ZNF358: variants seen among roughly 807,000 people sequenced by gnomAD.
ZNF358 encodes the protein zinc finger protein 358.
A neutral mutation model predicts 2.1 loss-of-function variants in ZNF358; 1 was observed. That is an observed-to-expected ratio of 0.49 (90% CI 0.17 to 2.30). ZNF358 has a LOEUF of 2.30. ZNF358 is among the 30% of genes most tolerant of loss of function. ZNF358 has a pLI of 0.26. For synonymous variants in ZNF358, 381 were observed against 359.7 expected, an observed-to-expected ratio of 1.06 and a Z score of -0.67; for missense variants, 665 against 806.8, an observed-to-expected ratio of 0.82 and a Z score of 2.13.
intron 1 of ZNF358, among the ~76,000 whole-genome samples, chr19:7,518,553 G>GAAAGAA (rs538103893): frequency 2.9e-3 from 65 of 22,570 alleles, no homozygotes; most frequent in South Asian, 8.7e-3. Context: ...GAAAGAGAGA[G>GAAAGAA]AGAGAGAAAG....
At position 7,519,442 on chromosome 19, in the gene ZNF358, T is replaced by A. The variant is rs369873431; in HGVS notation, c.200T>A (p.Val67Asp). 6.2e-6 allele frequency: 10 copies of A among 1,613,852 alleles called. No homozygotes were observed. In the African/African-American group the frequency reaches 1.1e-4, roughly 17 times the overall value. ...CCCAGCTATGAAGATCTGGAGCCCGTCTCGGAGGATCTGGACCCCGACGCC... is the reference window on the plus strand; with the variant it reads ...CCCAGCTATGAAGATCTGGAGCCCGACTCGGAGGATCTGGACCCCGACGCC... Reference protein sequence around the residue: ...VDPSYEDLEPVSEDLDPDAEA... With the variant: ...VDPSYEDLEPDSEDLDPDAEA... Residue 67 changes from valine to aspartate, a missense_variant, in exon 2 of 2, where the codon GTC becomes GAC. Physicochemically the swap from Val to Asp is radical, Grantham distance 152. This residue lies in a region of ZNF358 where 206 missense variants were observed against 228.4 expected (regional missense o/e 0.90). Transcript: ENST00000597229.
chr19:7,518,910 C>T (rs1037793749), intron 1 of ZNF358, among the ~76,000 whole-genome samples: 1 of 151,840 alleles, frequency 6.6e-6, no homozygotes, highest in Non-Finnish European at 1.5e-5. Context: ...ACTAAAAATA[C>T]AAAAATTAGC....
Position 7,520,406 on chromosome 19 carries a change from C to A in ZNF358, c.1164C>A (p.Ser388=), listed in dbSNP as rs2022448241. 6.2e-7 allele frequency: 1 copy of A among 1,611,730 alleles called. No individual in the cohort carries two copies. The highest frequency in any genetic ancestry group is 8.5e-7 in the Non-Finnish European group (1 of 1,179,556). Residue 388 remains serine (S), a synonymous_variant, in exon 2 of 2, where the codon TCC becomes TCA. Coordinates refer to ENST00000597229, the MANE Select transcript of ZNF358 (RefSeq NM_018083.5). This position sits in a 1 kb window ranked among gnomAD's most constrained non-coding sequence, Gnocchi z 6.0. ...QLCGKAFGQA[S]SLTKHKRVHE... ...GCGGGAAGGCCTTCGGCCAGGCCTC[C>A]AGCCTCACCAAGCACAAACGGGTGC...
rs1052485811 is a variant in ZNF358 at position 7,520,796 on chromosome 19, A to T, written c.1554A>T (p.Pro518=). ...CAGACCTTGATCCTGTGCCCAGCCC[A>T]GACCCTGATCCTGTGCCCAGCCCTG... ...PSPDLDPVPS[P]DPDPVPSPDP... Residue 518 remains proline (P), a synonymous_variant, in exon 2 of 2, where the codon CCA becomes CCT. Transcript: ENST00000597229. This position sits in a 1 kb window ranked among gnomAD's most constrained non-coding sequence, Gnocchi z 6.0. 6.2e-7 allele frequency: 1 copy of T among 1,611,448 alleles called. No individual in the cohort carries two copies.
Position 7,520,835 on chromosome 19 carries a change from G to T in ZNF358, c.1593G>T (p.Val531=). 1 of 1,613,944 alleles carries T rather than the reference G, an allele frequency of 6.2e-7. No homozygotes were observed. The highest frequency in any genetic ancestry group is 8.5e-7 in the Non-Finnish European group (1 of 1,179,950). Residue 531 remains valine (V), a synonymous_variant, in exon 2 of 2, where the codon GTG becomes GTT. Transcript: ENST00000597229. This position sits in a 1 kb window ranked among gnomAD's most constrained non-coding sequence, Gnocchi z 6.0. ...TGCCCAGCCCTGATCCCAACCCTGT[G>T]TCCTGCCCTGACCCCTGTTCTCCCA... The part of the protein sequence containing the change: ...DPVPSPDPNP[V]SCPDPCSPTR...
At position 7,519,290 on chromosome 19, in the gene ZNF358, A is replaced by C. The variant is rs1164220386; in HGVS notation, c.48A>C (p.Arg16Ser). 1 of 1,613,788 alleles carries C rather than the reference A, an allele frequency of 6.2e-7. No individual in the cohort carries two copies. Among genetic ancestry groups the C allele is most frequent in the Non-Finnish European group, 8.5e-7 (1 of 1,179,990 alleles). The change falls in exon 2 of 2, where the codon AGA (arginine) becomes AGC (serine). Residue 16 changes from arginine to serine, a missense_variant. Physicochemically the swap from Arg to Ser is moderately radical, Grantham distance 110 (BLOSUM62 -1). Transcript: ENST00000597229. ...LVRNPGHKGL[R>S]PVYEELDSDS... ...GGAACCCAGGCCACAAAGGCCTGAG[A>C]CCCGTTTATGAAGAGCTCGACTCTG...
At position 7,520,469 on chromosome 19, in the gene ZNF358, T is replaced by G. The variant is rs545765441; in HGVS notation, c.1227T>G (p.Ala409=). 1.3e-4 allele frequency: 100 copies of G among 755,976 alleles called. No homozygotes were observed. Among genetic ancestry groups the G allele is most frequent in the Non-Finnish European group, 1.6e-4 (82 of 518,404 alleles). The allele number at this position is 755,976 out of a possible 1,614,324, so 46.8% of individuals were successfully genotyped here. Residue 409 remains alanine, a synonymous_variant, in exon 2 of 2, where the codon GCT becomes GCG. Transcript: ENST00000597229. The surrounding 1 kb of genome is among the most constrained non-coding windows in gnomAD (Gnocchi z 6.0). ...GAAAAAAAAA[A]AAAAAAAGLG... is the part of the protein sequence containing the mutation. ...CCGCTGCTGCAGCTGCCGCGGCCGCTGCAGCTGCAGCAGCGGCCGCCGGCC... is the reference window on the plus strand; with the variant it reads ...CCGCTGCTGCAGCTGCCGCGGCCGCGGCAGCTGCAGCAGCGGCCGCCGGCC...
chr19:7,518,569 A>AAG (rs1203717103), intron 1 of ZNF358, among the ~76,000 whole-genome samples: 1 of 144,316 alleles, frequency 6.9e-6, no homozygotes, highest in Non-Finnish European at 1.5e-5. Context: ...GAAAGAAAGA[A>AAG]AGAAAGAAAG....
chr19:7,519,464 C>T lies in ZNF358; in HGVS notation c.222C>T (p.Asp74=), dbSNP rs370585323. The change falls in exon 2 of 2, where the codon GAC becomes GAT. Residue 74 remains aspartate (D), a synonymous_variant. Coordinates refer to ENST00000597229, the MANE Select transcript of ZNF358 (RefSeq NM_018083.5). ...LEPVSEDLDP[D]AEAPGSEPQD... ...CCGTCTCGGAGGATCTGGACCCCGA[C>T]GCCGAAGCTCCGGGCTCGGAACCCC... 1.4e-4 allele frequency: 231 copies of T among 1,613,930 alleles called. No homozygotes were observed. The highest frequency in any genetic ancestry group is 1.8e-4 in the Non-Finnish European group (215 of 1,180,036).
chr19:7,517,521 T>C (rs752634587), intron 1 of ZNF358, among the ~76,000 whole-genome samples: 5 of 151,936 alleles, frequency 3.3e-5, no homozygotes, highest in African/African-American at 7.3e-5. Flanking sequence ...GCCCAGGAGT[T>C]TGAGTCCAGC....
At chr19:7,517,308 G>A (rs980276900) in intron 1 of ZNF358, among the ~76,000 whole-genome samples, 1 of 152,120 alleles carries the variant, frequency 6.6e-6, no homozygotes, top group Non-Finnish European at 1.5e-5. Context: ...TACCCGCCAT[G>A]TCCCAGCCAT....
Position 7,518,599 on chromosome 19 carries a change from G to GAAAGAAAGAAAGAA in ZNF358, c.-38-604_-38-603insAGAAAGAAAGAAAA, listed in dbSNP as rs1239214321. On this transcript the variant is annotated intron_variant, in intron 1 of 1. Transcript: ENST00000597229. ...AGAAAGAAAGAAAGAAAGAAAGAAA[G>GAAAGAAAGAAAGAA]AATTGAAGTTAGCTGAGTGTGGTGG... 5.6e-3 allele frequency among the ~76,000 whole-genome samples: 532 copies of GAAAGAAAGAAAGAA among 95,062 alleles called. 15 individuals carry two copies. Among genetic ancestry groups the GAAAGAAAGAAAGAA allele is most frequent in the African/African-American group, 0.015 (516 of 33,584 alleles). 62.4% of individuals were successfully genotyped at this position (95,062 alleles called of 152,430 possible). A position where few individuals can be genotyped will look rare whatever the true frequency, so the allele number is the denominator to read the frequency against.
rs777121959 is a variant in ZNF358, at chr19:7,519,498, G to A, written c.256G>A (p.Asp86Asn). The A allele has an allele frequency of 3.7e-6, 6 of 1,612,954 alleles. No homozygotes were observed. In the South Asian group the frequency reaches 6.6e-5, roughly 18 times the overall value. ...EAPGSEPQDP[D>N]PMSSSFDLDP... ...TCCGGGCTCGGAACCCCAAGATCCC[G>A]ACCCCATGTCTTCGAGTTTCGACCT... The change falls in exon 2 of 2, where the codon GAC becomes AAC. Residue 86 changes from aspartate (D) to asparagine (N), a missense_variant. Physicochemically the swap from Asp to Asn is conservative, Grantham distance 23. Around this residue, in one of 3 missense-constraint regions of ZNF358, gnomAD observed 206 missense variants for 228.4 expected, o/e 0.90. Coordinates refer to ENST00000597229, the MANE Select transcript of ZNF358 (RefSeq NM_018083.5).
At position 7,520,491 on chromosome 19, in the gene ZNF358, G is replaced by C. The variant is rs1170333846; in HGVS notation, c.1249G>C (p.Gly417Arg). ...AAAAAAAAAAGLGLGPGLSPA... is the reference protein window; with the variant it reads ...AAAAAAAAAARLGLGPGLSPA... ...CGCTGCAGCTGCAGCAGCGGCCGCC[G>C]GCCTGGGCCTCGGGCCTGGCCTAAG... is the stretch of plus-strand genomic sequence containing the variant. The change falls in exon 2 of 2, where the codon GGC (glycine) becomes CGC (arginine). Residue 417 changes from glycine (G) to arginine (R), a missense_variant. Physicochemically the swap from Gly to Arg is moderately radical, Grantham distance 125 (BLOSUM62 -2). Around this residue, in one of 3 missense-constraint regions of ZNF358, gnomAD observed 249 missense variants for 227.6 expected, o/e 1.09. Transcript: ENST00000597229. The surrounding 1 kb of genome is among the most constrained non-coding windows in gnomAD (Gnocchi z 6.0). The C allele has an allele frequency of 4.8e-6, 6 of 1,239,384 alleles. No individual in the cohort carries two copies. In the African/African-American group the frequency reaches 9.6e-5, roughly 20 times the overall value. 76.8% of individuals were successfully genotyped at this position (1,239,384 alleles called of 1,614,324 possible). A position where few individuals can be genotyped will look rare whatever the true frequency, so the allele number is the denominator to read the frequency against.
At chr19:7,518,137 G>A (rs1027995128) in intron 1 of ZNF358, among the ~76,000 whole-genome samples, 1 of 152,204 alleles carries the variant, frequency 6.6e-6, no homozygotes, top group Non-Finnish European at 1.5e-5. Context: ...CAGAGCCATG[G>A]AGTTGGGGAC....
Position 7,520,122 on chromosome 19 carries a change from C to G in ZNF358, c.880C>G (p.Pro294Ala). ...CACGGGCGAGCGGCCCTACCCGTGT[C>G]CGCAGTGCGGCAAGGCCTTCGGGCA... Reference protein sequence around the residue: ...THTGERPYPCPQCGKAFGQSS... With the variant: ...THTGERPYPCAQCGKAFGQSS... The change falls in exon 2 of 2, where the codon CCG becomes GCG. Residue 294 changes from proline to alanine, a missense_variant. Pro to Ala is a conservative substitution (Grantham distance 27). Coordinates refer to ENST00000597229, the MANE Select transcript of ZNF358 (RefSeq NM_018083.5). The surrounding 1 kb of genome is among the most constrained non-coding windows in gnomAD (Gnocchi z 6.0). 1.3e-6 allele frequency: 2 copies of G among 1,597,498 alleles called. No individual in the cohort carries two copies. Among genetic ancestry groups the G allele is most frequent in the Non-Finnish European group, 1.7e-6 (2 of 1,177,822 alleles).
At chr19:7,515,533 A>G (rs753622764), upstream of ZNF358, 14 of 152,284 alleles carry the variant, frequency 9.2e-5, no homozygotes, top group Non-Finnish European at 2.1e-4. Context: ...TTAAGCAAAA[A>G]TAGACATGTT....
At chr19:7,516,096 G>C (rs913819191), upstream of ZNF358, 2 of 145,030 alleles carry the variant, frequency 1.4e-5, no homozygotes, top group Non-Finnish European at 3.1e-5. The surrounding 1 kb of genome is among the most constrained non-coding windows in gnomAD (Gnocchi z 5.9). Flanking sequence ...TGCGGCCCTC[G>C]GCCGGCCCCT....
At position 7,520,100 on chromosome 19, in the gene ZNF358, G is replaced by T. The variant is rs373048497; in HGVS notation, c.858G>T (p.Thr286=). Residue 286 remains threonine, a synonymous_variant, in exon 2 of 2, where the codon ACG becomes ACT. Transcript: ENST00000597229. This position sits in a 1 kb window ranked among gnomAD's most constrained non-coding sequence, Gnocchi z 6.0. Reference sequence around the variant, plus strand: ...TGCTCAAACACCTGCGCACGCACACGGGCGAGCGGCCCTACCCGTGTCCGC... The same window carrying T: ...TGCTCAAACACCTGCGCACGCACACTGGCGAGCGGCCCTACCCGTGTCCGC... The part of the protein sequence containing the change: ...SALLKHLRTH[T]GERPYPCPQC... 1.9e-6 allele frequency: 3 copies of T among 1,593,712 alleles called. No homozygotes were observed. Among genetic ancestry groups the T allele is most frequent in the Non-Finnish European group, 2.6e-6 (3 of 1,176,452 alleles).
Sources: allele counts gnomAD v4.1 joint callset (sites outside exome capture counted in the v4.1 genomes callset), GRCh38; gene constraint gnomAD v4.1.1; regional missense constraint gnomAD v4.1.1; non-coding constraint Gnocchi (gnomAD v3.1); transcripts MANE v1.5; gene names NCBI Gene and HGNC (gene_info 2026-07-23, HGNC 2026-07-21).